NKAIN2: variants seen among roughly 807,000 people sequenced by gnomAD.
NKAIN2 encodes the protein sodium/potassium-transporting ATPase subunit beta-1-interacting protein 2.
In NKAIN2, 14 loss-of-function variants were observed where a neutral mutation model predicts 32.6. That is an observed-to-expected ratio of 0.43 (90% CI 0.28 to 0.67). NKAIN2 has a LOEUF of 0.67. Among genes scored for constraint, NKAIN2 ranks in the 30% least tolerant of loss-of-function variants. The pLI is 0.17. For missense variants in NKAIN2, 198 were observed against 258.3 expected, an observed-to-expected ratio of 0.77 and a Z score of 1.60; for synonymous variants, 80 against 87.2, an observed-to-expected ratio of 0.92 and a Z score of 0.46.
chr6:124,116,573 G>GA (rs1027840242), intron 1 of NKAIN2, among the ~76,000 whole-genome samples: 1 of 151,978 alleles, frequency 6.6e-6, no homozygotes, highest in African/African-American at 2.4e-5. Flanking sequence ...TAATACTGCT[G>GA]AAAAAAACAT....
At chr6:124,263,232 TAA>T (rs1794331653) in intron 1 of NKAIN2, among the ~76,000 whole-genome samples, 1 of 152,134 alleles carries the variant, frequency 6.6e-6, no homozygotes, top group African/African-American at 2.4e-5. Context: ...GTGGGTAAAA[TAA>T]GAGTTTATTA....
intron 1 of NKAIN2, among the ~76,000 whole-genome samples, chr6:123,835,767 C>T (rs774905518): frequency 1.3e-5 from 2 of 152,086 alleles, no homozygotes; most frequent in Non-Finnish European, 2.9e-5. Flanking sequence ...TGCTTTATCG[C>T]GTGAAATGTT....
chr6:124,563,522 C>T (rs565715878), intron 3 of NKAIN2, among the ~76,000 whole-genome samples: 1 of 152,254 alleles, frequency 6.6e-6, no homozygotes, highest in South Asian at 2.1e-4. Context: ...CCAGGACAAC[C>T]CTGCTATTTC....
chr6:124,410,686 G>A (rs1034071124), intron 3 of NKAIN2, among the ~76,000 whole-genome samples: 12 of 152,154 alleles, frequency 7.9e-5, no homozygotes, highest in African/African-American at 2.9e-4. Flanking sequence ...ATTTGGGGTG[G>A]AGAGTTCTGT....
intron 3 of NKAIN2, among the ~76,000 whole-genome samples, chr6:124,364,209 C>T (rs923222526): frequency 1.6e-5 from 2 of 128,504 alleles, no homozygotes; most frequent in African/African-American, 6.0e-5. Flanking sequence ...ATTCTCCAAA[C>T]TAAAGCACAG....
intron 4 of NKAIN2, among the ~76,000 whole-genome samples, chr6:124,771,672 T>A (rs1004111241): frequency 6.6e-6 from 1 of 152,216 alleles, no homozygotes. Context: ...GAATTATGAG[T>A]TATTTCTCTT....
intron 1 of NKAIN2, among the ~76,000 whole-genome samples, chr6:124,033,893 G>A (rs1582964209): frequency 6.6e-6 from 1 of 152,162 alleles, no homozygotes; most frequent in East Asian, 1.9e-4. Context: ...CTCTCTGTTG[G>A]CTTAGTAGTA....
chr6:124,229,448 T>C (rs1792308580), intron 1 of NKAIN2, among the ~76,000 whole-genome samples: 2 of 152,010 alleles, frequency 1.3e-5, no homozygotes, highest in African/African-American at 4.8e-5. Flanking sequence ...TTTCTGGTAA[T>C]ATATTATGTT....
At chr6:124,527,036 G>A (rs1256226121) in intron 3 of NKAIN2, among the ~76,000 whole-genome samples, 1 of 151,992 alleles carries the variant, frequency 6.6e-6, no homozygotes, top group African/African-American at 2.4e-5. Context: ...CTAGAAACCT[G>A]GAAACCAACA....
chr6:124,448,221 T>C (rs1198115059), intron 3 of NKAIN2, among the ~76,000 whole-genome samples: 1 of 152,110 alleles, frequency 6.6e-6, no homozygotes, highest in Non-Finnish European at 1.5e-5. Flanking sequence ...AATTCTATGA[T>C]TACTATTGAT....
At chr6:123,893,065 T>C (rs1278554425) in intron 1 of NKAIN2, among the ~76,000 whole-genome samples, 1 of 152,204 alleles carries the variant, frequency 6.6e-6, no homozygotes, top group East Asian at 1.9e-4. Context: ...ATAATTGTTA[T>C]ATAAAATTTT....
chr6:124,256,402 A>T (rs999619852), intron 1 of NKAIN2, among the ~76,000 whole-genome samples: 4 of 152,194 alleles, frequency 2.6e-5, no homozygotes, highest in African/African-American at 9.6e-5. Flanking sequence ...AATTTAAGCA[A>T]CCACATTTGC....
intron 3 of NKAIN2, among the ~76,000 whole-genome samples, chr6:124,650,261 C>T (rs912671105): frequency 1.3e-5 from 2 of 152,054 alleles, no homozygotes; most frequent in Admixed American, 1.3e-4. Context: ...TATTGGCCCC[C>T]AAAATACTCC....
At chr6:123,822,204 G>GT (rs1773953395) in intron 1 of NKAIN2, among the ~76,000 whole-genome samples, 2 of 151,864 alleles carry the variant, frequency 1.3e-5, no homozygotes, top group South Asian at 2.1e-4. Context: ...TCGGATGACT[G>GT]TTAAAAAAAA....
At chr6:124,119,315 T>G (rs1353388363) in intron 1 of NKAIN2, among the ~76,000 whole-genome samples, 1 of 152,170 alleles carries the variant, frequency 6.6e-6, no homozygotes, top group African/African-American at 2.4e-5. Context: ...CCTATGTGAC[T>G]CATGGAAAGT....
chr6:124,261,999 T>A (rs1794276080), intron 1 of NKAIN2, among the ~76,000 whole-genome samples: 1 of 152,058 alleles, frequency 6.6e-6, no homozygotes, highest in Non-Finnish European at 1.5e-5. Context: ...GTGGAATGTA[T>A]CAAAATTAAC....
chr6:124,727,386 G>A (rs1260599736), intron 4 of NKAIN2, among the ~76,000 whole-genome samples: 1 of 152,016 alleles, frequency 6.6e-6, no homozygotes, highest in African/African-American at 2.4e-5. Flanking sequence ...AGCCAGAAGA[G>A]AGTGGGGGCC....
chr6:124,778,633 A>G (rs947044731), intron 4 of NKAIN2, among the ~76,000 whole-genome samples: 1 of 152,108 alleles, frequency 6.6e-6, no homozygotes, highest in Admixed American at 6.5e-5. Context: ...ATATTTACTA[A>G]TAAAGATAGG....
intron 3 of NKAIN2, among the ~76,000 whole-genome samples, chr6:124,611,888 C>G (rs2114998865): frequency 6.6e-6 from 1 of 152,212 alleles, no homozygotes; most frequent in South Asian, 2.1e-4. Flanking sequence ...GAATTTTGAG[C>G]ACTTTGTTGT....
Sources: allele counts gnomAD v4.1 joint callset (sites outside exome capture counted in the v4.1 genomes callset), GRCh38; gene constraint gnomAD v4.1.1; transcripts MANE v1.5; gene names NCBI Gene and HGNC (gene_info 2026-07-23, HGNC 2026-07-21).